PREX1: variants seen among roughly 807,000 people sequenced by gnomAD.
The protein encoded by PREX1 is phosphatidylinositol 3,4,5-trisphosphate-dependent Rac exchanger 1 protein.
Under a neutral mutation model 198.3 loss-of-function variants are expected in PREX1, and 41 were observed. The ratio of observed to expected loss-of-function variants is 0.21; its 90% CI spans 0.16 to 0.27. The LOEUF is 0.27. PREX1 is among the 10% of genes least tolerant of loss of function. PREX1 has a pLI of 1.00. For missense variants in PREX1, 1,620 were observed against 2,200.7 expected (o/e 0.74, Z 5.28); for synonymous variants, 843 against 887.2 (o/e 0.95, Z 0.89).
intron 1 of PREX1, among the ~76,000 whole-genome samples, chr20:48,790,708 A>G (rs575575428): frequency 8.5e-5 from 13 of 152,248 alleles, no homozygotes; most frequent in Non-Finnish European, 1.8e-4. Flanking sequence ...GCCCTAGAGG[A>G]AGCCTGGCTG....
intron 1 of PREX1, among the ~76,000 whole-genome samples, chr20:48,823,123 A>C (rs532739972): frequency 6.6e-6 from 1 of 152,196 alleles, no homozygotes. Flanking sequence ...CTTTCTGCCC[A>C]CAATCCCTGT....
At chr20:48,812,068 T>C (rs1414745652) in intron 1 of PREX1, among the ~76,000 whole-genome samples, 1 of 152,336 alleles carries the variant, frequency 6.6e-6, no homozygotes, top group Non-Finnish European at 1.5e-5. Context: ...CAACAGCCGG[T>C]TTCCAGGATT....
chr20:48,630,714 G>T lies in PREX1; in HGVS notation c.4593+14C>A, dbSNP rs200613383. On this transcript the variant is annotated intron_variant, in intron 36 of 39. Coordinates refer to ENST00000371941, the MANE Select transcript of PREX1 (RefSeq NM_020820.4). ...TGCCCAAGCTCCCTGCAGCAGGAGG[G>T]CACGTGGACATACCTGGTCTATCTT... 1.9e-6 allele frequency: 3 copies of T among 1,570,484 alleles called. No individual in the cohort carries two copies. Among genetic ancestry groups the T allele is most frequent in the Non-Finnish European group, 2.6e-6 (3 of 1,140,780 alleles).
At chr20:48,743,611 A>T (rs11698661) in intron 3 of PREX1, among the ~76,000 whole-genome samples, 9,553 of 152,312 alleles carry the variant, frequency 0.063, 419 homozygotes, top group South Asian at 0.17. Context: ...ATAGGAAGAT[A>T]ACGTCGACAT....
At chr20:48,768,915 C>A (rs554979510) in intron 1 of PREX1, among the ~76,000 whole-genome samples, 16 of 152,142 alleles carry the variant, frequency 1.1e-4, no homozygotes, top group Admixed American at 3.3e-4. Flanking sequence ...GTGCACTTCA[C>A]TGTCTGTAAT....
At chr20:48,626,010 G>T in intron 39 of PREX1, 83 bp from the exon 40 acceptor site, 2 of 1,371,928 alleles carry the variant, frequency 1.5e-6, no homozygotes, top group Non-Finnish European at 1.9e-6. Flanking sequence ...ACCTGAACAT[G>T]TAATTCATGC....
chr20:48,637,371 T>G (rs2034365956), intron 31 of PREX1, among the ~76,000 whole-genome samples: 1 of 152,154 alleles, frequency 6.6e-6, no homozygotes, highest in Non-Finnish European at 1.5e-5. Context: ...TCCCGCTACC[T>G]CCTCCCCCTT....
At chr20:48,650,832 C>T (rs2089489572) in intron 23 of PREX1, 62 bp downstream of exon 23, 2 of 1,577,002 alleles carry the variant, frequency 1.3e-6, no homozygotes, top group Non-Finnish European at 1.7e-6. Flanking sequence ...ACCCAAATAT[C>T]CCAGGCTGAG....
intron 15 of PREX1, among the ~76,000 whole-genome samples, chr20:48,663,906 G>GCA (rs1491303363): frequency 5.6e-5 from 8 of 143,834 alleles, no homozygotes; most frequent in African/African-American, 2.1e-4. Context: ...AAGTGTGAGT[G>GCA]CGCGCACACA....
At chr20:48,824,065 T>C (rs2090498798) in intron 1 of PREX1, among the ~76,000 whole-genome samples, 1 of 152,188 alleles carries the variant, frequency 6.6e-6, no homozygotes, top group South Asian at 2.1e-4. Context: ...TGACTAACGC[T>C]GCCCAGAGCA....
the PREX1 span, among the ~76,000 whole-genome samples, chr20:48,880,890 T>C: frequency 6.7e-6 from 1 of 149,546 alleles, no homozygotes; most frequent in African/African-American, 2.5e-5. Context: ...AGCTGCCAAA[T>C]TGTCTCTGAG....
intron 1 of PREX1, among the ~76,000 whole-genome samples, chr20:48,804,269 A>G (rs1407711952): frequency 2.0e-5 from 3 of 152,238 alleles, no homozygotes; most frequent in African/African-American, 7.2e-5. Flanking sequence ...GCCCTCTGGG[A>G]GCTTAAATTC....
At chr20:48,682,306 A>C (rs2089756485) in intron 10 of PREX1, among the ~76,000 whole-genome samples, 1 of 152,080 alleles carries the variant, frequency 6.6e-6, no homozygotes, top group South Asian at 2.1e-4. Flanking sequence ...GCCTTCCCTG[A>C]CTACCTCATT....
intron 10 of PREX1, among the ~76,000 whole-genome samples, chr20:48,682,225 T>C (rs997561218): frequency 1.3e-5 from 2 of 152,158 alleles, no homozygotes; most frequent in Non-Finnish European, 2.9e-5. Flanking sequence ...GGAATGCCCT[T>C]CCTCAGCTCT....
intron 1 of PREX1, among the ~76,000 whole-genome samples, chr20:48,749,824 T>G (rs907433630): frequency 3.9e-5 from 6 of 152,042 alleles, no homozygotes; most frequent in African/African-American, 1.4e-4. Flanking sequence ...GTTACTTATA[T>G]CCTACTCTTC....
chr20:48,661,419 C>CAA (rs1168247790), intron 15 of PREX1, among the ~76,000 whole-genome samples: 122 of 12,006 alleles, frequency 0.01, 12 homozygotes, highest in African/African-American at 0.012. Context: ...AACTCCATCT[C>CAA]AAAAAAAAAA....
the PREX1 span, among the ~76,000 whole-genome samples, chr20:48,864,073 A>T: frequency 6.6e-6 from 1 of 152,240 alleles, no homozygotes; most frequent in African/African-American, 2.4e-5. Flanking sequence ...ACAAAGGCTT[A>T]TACATTTTTT....
rs577713708 is a variant in PREX1 at position 48,722,166 on chromosome 20, G to A, written c.621+4124C>T. Among the ~76,000 whole-genome samples, 326 of 152,298 alleles carry A rather than the reference G, an allele frequency of 2.1e-3. 2 individuals carry two copies. The highest frequency in any genetic ancestry group is 7.6e-3 in the African/African-American group (314 of 41,560). ...CACAAATCCTGTACATGGACCTTCA[G>A]AGCAACATGACTCACAATAGCCAGA... is the stretch of plus-strand genomic sequence containing the variant. On this transcript the variant is annotated intron_variant, in intron 5 of 39. Coordinates refer to ENST00000371941, the MANE Select transcript of PREX1 (RefSeq NM_020820.4).
the PREX1 span, among the ~76,000 whole-genome samples, chr20:48,862,790 A>AAAAAAAAAAATATATAT: frequency 9.7e-6 from 1 of 102,582 alleles, no homozygotes; most frequent in African/African-American, 4.4e-5. Flanking sequence ...TAAAAAAAAA[A>AAAAAAAAAAATATATAT]ATATATATAT....
Sources: gnomAD v4.1 joint callset for allele counts (sites outside exome capture counted in the v4.1 genomes callset) on GRCh38, gnomAD v4.1.1 for gene constraint, MANE v1.5 for transcripts, NCBI Gene and HGNC (gene_info 2026-07-23, HGNC 2026-07-21) for gene names.